HYAL4: variants seen among roughly 807,000 people sequenced by gnomAD.
HYAL4 encodes the protein hyaluronidase 4.
A neutral mutation model predicts 35.2 loss-of-function variants in HYAL4; 37 were observed. That is an observed-to-expected ratio of 1.05 (90% CI 0.81 to 1.38). The LOEUF is 1.38. Ranked by LOEUF, HYAL4 falls within the 40% of genes most tolerant of loss-of-function variation. HYAL4 has a pLI of 0.00. For missense variants in HYAL4, 572 were observed against 572.4 expected (o/e 1.00, Z 0.01); for synonymous variants, 198 against 203.2 (o/e 0.97, Z 0.22).
chr7:123,801,084 G>A, the HYAL4 span, among the ~76,000 whole-genome samples: 1 of 152,146 alleles, frequency 6.6e-6, no homozygotes, highest in Non-Finnish European at 1.5e-5. Context: ...GGAGGCCAAG[G>A]TGGGCTGATT....
chr7:123,824,504 G>C (rs569950810), upstream of HYAL4, among the ~76,000 whole-genome samples: 6 of 152,120 alleles, frequency 3.9e-5, no homozygotes, highest in East Asian at 7.7e-4. Flanking sequence ...CCATTTAGTG[G>C]CTGACTTTTT....
At chr7:123,820,907 C>T in the HYAL4 span, among the ~76,000 whole-genome samples, 2 of 152,154 alleles carry the variant, frequency 1.3e-5, no homozygotes, top group African/African-American at 4.8e-5. Flanking sequence ...TAGCATTTGT[C>T]CTTCTGTGAC....
chr7:123,796,835 C>T, the HYAL4 span, among the ~76,000 whole-genome samples: 2 of 152,098 alleles, frequency 1.3e-5, no homozygotes, highest in Non-Finnish European at 2.9e-5. Context: ...GTGAAAGAAG[C>T]CAGTCAGAAA....
At chr7:123,773,038 A>G in the HYAL4 span, among the ~76,000 whole-genome samples, 1 of 151,994 alleles carries the variant, frequency 6.6e-6, no homozygotes, top group Non-Finnish European at 1.5e-5. Context: ...TTTTTTTCTT[A>G]TGTCATTGGA....
the HYAL4 span, among the ~76,000 whole-genome samples, chr7:123,775,407 A>G: frequency 6.6e-6 from 1 of 152,150 alleles, no homozygotes; most frequent in Non-Finnish European, 1.5e-5. Context: ...CCATACTGGG[A>G]GACAGAGCCA....
chr7:123,876,996 G>A lies in HYAL4; in HGVS notation c.1287G>A (p.Met429Ile), dbSNP rs1415717170. The change falls in exon 5 of 5, where the codon ATG becomes ATA. Residue 429 changes from methionine to isoleucine, a missense_variant. Coordinates refer to ENST00000223026, the MANE Select transcript of HYAL4 (RefSeq NM_012269.3). Reference sequence around the variant, plus strand: ...CATCTGATACAGACCTGGCAGTGATGGCAGATACATTTTCCTGTCATTGTT... The same window carrying A: ...CATCTGATACAGACCTGGCAGTGATAGCAGATACATTTTCCTGTCATTGTT... ...GKASDTDLAVMADTFSCHCYQ... is the reference protein window; with the variant it reads ...GKASDTDLAVIADTFSCHCYQ... The A allele has an allele frequency of 1.9e-6, 3 of 1,614,202 alleles. No homozygotes were observed. The highest frequency in any genetic ancestry group is 2.5e-6 in the Non-Finnish European group (3 of 1,180,018).
chr7:123,865,724 C>T (rs1022165448), intron 2 of HYAL4, among the ~76,000 whole-genome samples: 14 of 152,144 alleles, frequency 9.2e-5, no homozygotes, highest in African/African-American at 2.9e-4. Context: ...GGTGGTTAGA[C>T]GTGATAATTA....
At chr7:123,862,981 G>A (rs1361594587) in intron 2 of HYAL4, among the ~76,000 whole-genome samples, 3 of 152,184 alleles carry the variant, frequency 2.0e-5, no homozygotes, top group African/African-American at 7.2e-5. Context: ...TTTAGAGACA[G>A]CAGACATGCT....
chr7:123,774,780 G>A, the HYAL4 span, among the ~76,000 whole-genome samples: 5 of 152,094 alleles, frequency 3.3e-5, no homozygotes, highest in Non-Finnish European at 5.9e-5. Context: ...GTCTTTGGAG[G>A]CACTTTCCCT....
At chr7:123,805,885 C>T in the HYAL4 span, among the ~76,000 whole-genome samples, 1 of 152,016 alleles carries the variant, frequency 6.6e-6, no homozygotes, top group Non-Finnish European at 1.5e-5. Context: ...ATCCCAGCTA[C>T]TTGGAGGCTG....
At chr7:123,851,246 A>C in intron 2 of HYAL4, among the ~76,000 whole-genome samples, 1 of 152,082 alleles carries the variant, frequency 6.6e-6, no homozygotes, top group Non-Finnish European at 1.5e-5. Flanking sequence ...GTTTCAACAA[A>C]GTTTTTTTAA....
upstream of HYAL4, among the ~76,000 whole-genome samples, chr7:123,844,565 A>C (rs1040489264): frequency 3.9e-5 from 6 of 152,124 alleles, no homozygotes; most frequent in African/African-American, 1.4e-4. Context: ...CTCTCTTCAG[A>C]GCTGTCAGAC....
chr7:123,817,370 C>T, the HYAL4 span, among the ~76,000 whole-genome samples: 12 of 152,256 alleles, frequency 7.9e-5, no homozygotes, highest in African/African-American at 2.9e-4. Flanking sequence ...AATAACTCTT[C>T]AATCTATTCC....
At chr7:123,804,043 C>T in the HYAL4 span, among the ~76,000 whole-genome samples, 1 of 152,124 alleles carries the variant, frequency 6.6e-6, no homozygotes, top group Non-Finnish European at 1.5e-5. Context: ...ATTGTCTTAT[C>T]CTTATACTAG....
At chr7:123,784,569 G>A in the HYAL4 span, among the ~76,000 whole-genome samples, 1 of 152,206 alleles carries the variant, frequency 6.6e-6, no homozygotes, top group Admixed American at 6.5e-5. Flanking sequence ...AAACAAGCTT[G>A]TCAGCATTCA....
chr7:123,800,914 G>T, the HYAL4 span, among the ~76,000 whole-genome samples: 14 of 151,964 alleles, frequency 9.2e-5, no homozygotes, highest in Non-Finnish European at 2.1e-4. Context: ...ACCTGCCTTG[G>T]CCTCCCAAAG....
chr7:123,816,598 A>G, the HYAL4 span, among the ~76,000 whole-genome samples: 3 of 152,178 alleles, frequency 2.0e-5, no homozygotes, highest in South Asian at 6.2e-4. Flanking sequence ...TATTTTTTGT[A>G]CTATTGGACT....
chr7:123,814,126 A>T, the HYAL4 span: 7 of 152,482 alleles, frequency 4.6e-5, no homozygotes, highest in African/African-American at 7.2e-5. Flanking sequence ...TGTAATGCTG[A>T]AAACCTCAAG....
chr7:123,876,667 G>A, intron 4 of HYAL4, 87 bp from the exon 5 acceptor site: 6 of 1,345,758 alleles, frequency 4.5e-6, no homozygotes, highest in African/African-American at 1.5e-5. Context: ...AATTCTATCA[G>A]TACCAGCGAG....
Sources: allele counts gnomAD v4.1 joint callset (sites outside exome capture counted in the v4.1 genomes callset), GRCh38; gene constraint gnomAD v4.1.1; transcripts MANE v1.5; gene names NCBI Gene and HGNC (gene_info 2026-07-23, HGNC 2026-07-21).